Variants in FYB1 observed in about 807,000 individuals in gnomAD.
FYB1 encodes FYN-binding protein 1.
Under a neutral mutation model 94.1 loss-of-function variants are expected in FYB1, and 41 were observed. The ratio of observed to expected loss-of-function variants is 0.44; its 90% CI spans 0.34 to 0.57. FYB1 has a LOEUF of 0.57. Among genes scored for constraint, FYB1 ranks in the 20% least tolerant of loss-of-function variants. FYB1 has a pLI of 0.02. For missense variants in FYB1, 1,050 were observed against 976.8 expected, an observed-to-expected ratio of 1.07 and a Z score of -1.00; for synonymous variants, 367 against 353.2, an observed-to-expected ratio of 1.04 and a Z score of -0.44.
chr5:39,116,453 A>G (rs980622313), intron 16 of FYB1, among the ~76,000 whole-genome samples: 2 of 152,224 alleles, frequency 1.3e-5, no homozygotes, highest in Admixed American at 6.5e-5. Context: ...TCAGAAGTTT[A>G]CGAAACATTT....
At chr5:39,164,262 G>A (rs771654934) in intron 2 of FYB1, among the ~76,000 whole-genome samples, 3 of 152,130 alleles carry the variant, frequency 2.0e-5, no homozygotes, top group South Asian at 4.1e-4. Context: ...CTCAGTGGGT[G>A]GCCACTGTGG....
Position 39,202,141 on chromosome 5 carries a change from C to A in FYB1, c.820G>T (p.Gly274Cys). 4 of 1,613,966 alleles carry A rather than the reference C, an allele frequency of 2.5e-6. No homozygotes were observed. Among genetic ancestry groups the A allele is most frequent in the Non-Finnish European group, 3.4e-6 (4 of 1,179,884 alleles). Residue 274 changes from glycine (G) to cysteine (C), a missense_variant, in exon 2 of 19, where the codon GGT (glycine) becomes TGT (cysteine). Coordinates refer to ENST00000512982, the MANE Select transcript of FYB1 (RefSeq NM_001465.6). Reference sequence around the variant, plus strand: ...TTTTCTTCACCATTTTTGGAGAGACCTGGGCCTCCCCTGCTCGCAGCAGGT... The same window carrying A: ...TTTTCTTCACCATTTTTGGAGAGACATGGGCCTCCCCTGCTCGCAGCAGGT... ...LKPAASRGGP[G>C]LSKNGEEKKE... is the part of the protein sequence containing the mutation.
At chr5:39,226,415 A>G (rs1750475080) in intron 1 of FYB1, among the ~76,000 whole-genome samples, 1 of 151,500 alleles carries the variant, frequency 6.6e-6, no homozygotes. Context: ...AAAAAAAATC[A>G]ACTCTTTAAG....
chr5:39,126,374 T>C (rs1316531386), intron 11 of FYB1, among the ~76,000 whole-genome samples: 1 of 152,098 alleles, frequency 6.6e-6, no homozygotes, highest in Non-Finnish European at 1.5e-5. Flanking sequence ...CTCCCACTTC[T>C]TAAAATGTGA....
chr5:39,272,478 C>A (rs1231759262), intron 1 of FYB1, among the ~76,000 whole-genome samples: 2 of 148,598 alleles, frequency 1.3e-5, no homozygotes, highest in African/African-American at 4.9e-5. Flanking sequence ...TCCTGGCTAA[C>A]ACGGTGAAAT....
At chr5:39,134,554 C>T (rs1292440577) in intron 8 of FYB1, among the ~76,000 whole-genome samples, 4 of 152,152 alleles carry the variant, frequency 2.6e-5, no homozygotes, top group Admixed American at 6.5e-5. Context: ...TGTAAGCCTA[C>T]CTTCTATTTT....
chr5:39,191,968 T>A (rs1296664099), intron 2 of FYB1, among the ~76,000 whole-genome samples: 2 of 152,242 alleles, frequency 1.3e-5, no homozygotes, highest in African/African-American at 2.4e-5. Context: ...GACATTCTTC[T>A]GGCATAGAAA....
chr5:39,131,339 C>T (rs1189217985), intron 9 of FYB1, among the ~76,000 whole-genome samples: 2 of 152,110 alleles, frequency 1.3e-5, no homozygotes, highest in Non-Finnish European at 2.9e-5. Flanking sequence ...CCTCATTATA[C>T]AGAAAAGAAA....
At chr5:39,108,150 T>C in intron 18 of FYB1, 81 bp downstream of exon 18, 4 of 1,305,154 alleles carry the variant, frequency 3.1e-6, no homozygotes, top group South Asian at 2.7e-5. Flanking sequence ...AAGTCTCTAA[T>C]CCAACAAGCT....
At chr5:39,130,467 TA>T in intron 10 of FYB1, 122 bp downstream of exon 10, 1 of 758,730 alleles carries the variant, frequency 1.3e-6, no homozygotes, top group Non-Finnish European at 2.2e-6. Flanking sequence ...ATGGATAGCC[TA>T]AATACGCTGA....
intron 16 of FYB1, among the ~76,000 whole-genome samples, chr5:39,117,352 A>G (rs1739673169): frequency 6.6e-6 from 1 of 152,180 alleles, no homozygotes; most frequent in Admixed American, 6.5e-5. Flanking sequence ...AACATTTAAT[A>G]ATTTAAAAAT....
chr5:39,221,848 A>G (rs961761801), upstream of FYB1, among the ~76,000 whole-genome samples: 12 of 151,978 alleles, frequency 7.9e-5, no homozygotes, highest in African/African-American at 2.9e-4. Context: ...AAATCCAAAA[A>G]TTAGCTGGGC....
At chr5:39,119,504 G>A in intron 15 of FYB1, 31 bp downstream of exon 15, 1 of 1,445,842 alleles carries the variant, frequency 6.9e-7, no homozygotes, top group Non-Finnish European at 9.3e-7. Flanking sequence ...ATAGTGCTTT[G>A]TACTTTGTAT....
intron 2 of FYB1, among the ~76,000 whole-genome samples, chr5:39,200,079 T>C (rs373730896): frequency 2.6e-5 from 4 of 152,160 alleles, no homozygotes; most frequent in African/African-American, 9.7e-5. Context: ...GTTACACTGA[T>C]GACAGGATTT....
At position 39,135,711 on chromosome 5, in the gene FYB1, T is replaced by C. The variant is rs369351965; in HGVS notation, c.1516-697A>G. ...TACCTTTAATTTATTGAATTTATGA[T>C]GGCATTAATTATAAACATTTATCAT... On this transcript the variant is annotated intron_variant, in intron 7 of 18. Coordinates refer to ENST00000512982, the MANE Select transcript of FYB1 (RefSeq NM_001465.6). Among the ~76,000 whole-genome samples the C allele has an allele frequency of 7.2e-5, 11 of 152,334 alleles. No individual in the cohort carries two copies. The East Asian group carries it at 1.3e-3, about 19-fold the overall frequency.
chr5:39,121,866 G>T (rs1740144145), intron 14 of FYB1, among the ~76,000 whole-genome samples: 1 of 151,932 alleles, frequency 6.6e-6, no homozygotes, highest in Admixed American at 6.6e-5. Context: ...GTAGAAGACG[G>T]AGGTGGCTTG....
At chr5:39,193,009 G>T (rs543572828) in intron 2 of FYB1, among the ~76,000 whole-genome samples, 1 of 150,538 alleles carries the variant, frequency 6.6e-6, no homozygotes, top group African/African-American at 2.4e-5. Flanking sequence ...CACAATGATG[G>T]CCCTCAAGGC....
chr5:39,199,420 T>G (rs1436816688), intron 2 of FYB1, among the ~76,000 whole-genome samples: 1 of 152,184 alleles, frequency 6.6e-6, no homozygotes, highest in African/African-American at 2.4e-5. Context: ...TTATGACACA[T>G]ACACGAGTTT....
At chr5:39,231,147 C>CAAAAAAA (rs747268330) in intron 1 of FYB1, among the ~76,000 whole-genome samples, 21 of 40,922 alleles carry the variant, frequency 5.1e-4, no homozygotes, top group Non-Finnish European at 6.6e-4. Context: ...CAGCTCAGAG[C>CAAAAAAA]AAAAAAAAAA....
Sources: allele counts gnomAD v4.1 joint callset (sites outside exome capture counted in the v4.1 genomes callset), GRCh38; gene constraint gnomAD v4.1.1; transcripts MANE v1.5; gene names NCBI Gene and HGNC (gene_info 2026-07-23, HGNC 2026-07-21).